PDE1C: variants seen among roughly 807,000 people sequenced by gnomAD.
PDE1C encodes dual specificity calcium/calmodulin-dependent 3',5'-cyclic nucleotide phosphodiesterase 1C.
Under a neutral mutation model 93.1 loss-of-function variants are expected in PDE1C, and 62 were observed. The observed-to-expected ratio is 0.67, with a 90% confidence interval of 0.54 to 0.82. The LOEUF (loss-of-function observed/expected upper bound fraction) is 0.82, where lower values mean the gene tolerates loss of function less well. Ranked by LOEUF, PDE1C falls within the 40% of genes least tolerant of loss-of-function variation. The pLI, the probability that PDE1C is intolerant of heterozygous loss-of-function variation, is 0.00. For synonymous variants in PDE1C, 325 were observed against 310.1 expected, an observed-to-expected ratio of 1.05 and a Z score of -0.50; for missense variants, 742 against 884.6, an observed-to-expected ratio of 0.84 and a Z score of 2.04.
intron 2 of PDE1C, among the ~76,000 whole-genome samples, chr7:31,886,160 T>TA (rs1294891380): frequency 6.6e-6 from 1 of 152,170 alleles, no homozygotes; most frequent in African/African-American, 2.4e-5. Flanking sequence ...TCATTTGAAT[T>TA]AAAAAAACTT....
chr7:31,733,632 C>T, the PDE1C span, among the ~76,000 whole-genome samples: 5 of 152,300 alleles, frequency 3.3e-5, no homozygotes, highest in African/African-American at 1.2e-4. Context: ...ACTACATACC[C>T]ATACATACAT....
chr7:32,384,617 G>A (rs905908574), intron 1 of PDE1C, among the ~76,000 whole-genome samples: 1 of 152,178 alleles, frequency 6.6e-6, no homozygotes, highest in Admixed American at 6.5e-5. Flanking sequence ...AAGGAGTGGA[G>A]AGACAACCTG....
the PDE1C span, among the ~76,000 whole-genome samples, chr7:31,635,541 T>C: frequency 2.6e-5 from 4 of 152,212 alleles, no homozygotes; most frequent in Admixed American, 2.0e-4. Flanking sequence ...TTTACACAAG[T>C]ACAGTTAATG....
At chr7:31,649,833 T>C in the PDE1C span, among the ~76,000 whole-genome samples, 2 of 152,166 alleles carry the variant, frequency 1.3e-5, no homozygotes, top group South Asian at 2.1e-4. Context: ...CAAAGGTAAA[T>C]AGCTTTAGTT....
the PDE1C span, among the ~76,000 whole-genome samples, chr7:31,671,502 C>T: frequency 6.6e-6 from 1 of 152,166 alleles, no homozygotes; most frequent in Non-Finnish European, 1.5e-5. Flanking sequence ...TCACTCATTG[C>T]TTTATGCCAT....
intron 1 of PDE1C, among the ~76,000 whole-genome samples, chr7:32,218,531 C>T (rs556294534): frequency 6.6e-6 from 1 of 152,292 alleles, no homozygotes; most frequent in Admixed American, 6.5e-5. Context: ...AGGCCTTTAC[C>T]AAGCTGAGAA....
the PDE1C span, among the ~76,000 whole-genome samples, chr7:31,630,890 GA>G: frequency 6.6e-6 from 1 of 151,792 alleles, no homozygotes; most frequent in Non-Finnish European, 1.5e-5. Flanking sequence ...CTGAATTCAA[GA>G]AAAAAATACA....
In PDE1C at chr7:32,403,745, G is replaced by A. The variant is rs182207334; in HGVS notation, c.310+24077C>T. Among the ~76,000 whole-genome samples the A allele has an allele frequency of 1.6e-3, 240 of 152,144 alleles. 2 individuals carry two copies. Among genetic ancestry groups the A allele is most frequent in the African/African-American group, 4.6e-3 (189 of 41,498 alleles). On this transcript the variant is annotated intron_variant, in intron 1 of 1. Transcript: ENST00000672256. ...GCTTTGGCACGGAGCTCCCTCAATC[G>A]TCCTAAATTGAATTGGCTTTGTTTT...
At chr7:32,173,395 G>A (rs977810789) in intron 2 of PDE1C, among the ~76,000 whole-genome samples, 23 of 151,756 alleles carry the variant, frequency 1.5e-4, no homozygotes, top group South Asian at 2.1e-4. Context: ...CTTACAGGAC[G>A]GGTCAATATG....
chr7:32,391,262 C>T (rs1784743770), intron 1 of PDE1C, among the ~76,000 whole-genome samples: 1 of 151,056 alleles, frequency 6.6e-6, no homozygotes, highest in Non-Finnish European at 1.5e-5. Flanking sequence ...ATTACCAGAG[C>T]AAAAAAAAGC....
intron 1 of PDE1C, among the ~76,000 whole-genome samples, chr7:32,316,119 G>A (rs78423721): frequency 0.013 from 1,914 of 152,248 alleles, 49 homozygotes; most frequent in African/African-American, 0.044. Context: ...GGCTGTGTCC[G>A]TTTTGACCAT....
rs1798215182 is a variant in PDE1C, at chr7:31,888,269, A to AAAAAG, written c.129-7414_129-7410dup. Among the ~76,000 whole-genome samples the AAAAAG allele has an allele frequency of 2.7e-5, 4 of 149,964 alleles. No homozygotes were observed. In the South Asian group the frequency reaches 6.4e-4, roughly 24 times the overall value. ...AGTCTCAAAAAAAAAAAAAAAAAAA[A>AAAAAG]AAAAGAAAAGGAGAAGTCTAAAAAT... On this transcript the variant is annotated intron_variant, in intron 2 of 17. Coordinates refer to ENST00000396191, the MANE Select transcript of PDE1C (RefSeq NM_001191057.4).
At position 31,843,967 on chromosome 7, in the gene PDE1C, T is replaced by C. The variant is rs528772903; in HGVS notation, c.980+4001A>G. Among the ~76,000 whole-genome samples the C allele has an allele frequency of 1.4e-3, 215 of 151,888 alleles. 2 individuals carry two copies. The highest frequency in any genetic ancestry group is 4.9e-3 in the African/African-American group (205 of 41,546). On this transcript the variant is annotated intron_variant, in intron 9 of 17. Coordinates refer to ENST00000396191, the MANE Select transcript of PDE1C (RefSeq NM_001191057.4). ...ATTTTCTGTCTACTGTATAACTTTA[T>C]GTAACATTTAAAAATCCTGCAACAG...
At chr7:32,151,179 A>G (rs2128790408) in intron 3 of PDE1C, among the ~76,000 whole-genome samples, 2 of 152,280 alleles carry the variant, frequency 1.3e-5, no homozygotes, top group South Asian at 4.2e-4. Flanking sequence ...TAGCAATCAC[A>G]TGTGCAAAGT....
intron 1 of PDE1C, among the ~76,000 whole-genome samples, chr7:32,318,488 C>G (rs997616137): frequency 6.6e-6 from 1 of 152,200 alleles, no homozygotes; most frequent in Non-Finnish European, 1.5e-5. Context: ...CAGCCTGCAC[C>G]GCTGGCTGGG....
chr7:31,858,473 A>G (rs1794287637), intron 7 of PDE1C, among the ~76,000 whole-genome samples: 1 of 152,156 alleles, frequency 6.6e-6, no homozygotes, highest in Non-Finnish European at 1.5e-5. Context: ...AAAAAAGCAG[A>G]TATTATTTCT....
At chr7:32,337,757 C>T (rs1340954672) in intron 1 of PDE1C, among the ~76,000 whole-genome samples, 1 of 151,338 alleles carries the variant, frequency 6.6e-6, no homozygotes, top group Non-Finnish European at 1.5e-5. Context: ...AGTACTGAGC[C>T]AATGGAGATT....
the PDE1C span, among the ~76,000 whole-genome samples, chr7:31,619,926 G>T: frequency 6.6e-6 from 1 of 152,194 alleles, no homozygotes; most frequent in Non-Finnish European, 1.5e-5. Context: ...TTTCCGACGG[G>T]CTTAAAAAAC....
intron 1 of PDE1C, among the ~76,000 whole-genome samples, chr7:32,279,807 T>G (rs952019191): frequency 6.6e-6 from 1 of 152,078 alleles, no homozygotes; most frequent in South Asian, 2.1e-4. Flanking sequence ...AACAAAATAC[T>G]GTACCTAAAG....
Sources: allele counts gnomAD v4.1 joint callset (sites outside exome capture counted in the v4.1 genomes callset), GRCh38; gene constraint gnomAD v4.1.1; transcripts MANE v1.5; gene names NCBI Gene and HGNC (gene_info 2026-07-23, HGNC 2026-07-21).